Variants in CFAP299 observed in about 807,000 individuals in gnomAD.
CFAP299 encodes cilia- and flagella-associated protein 299.
CFAP299 carries 21 observed loss-of-function variants against 27.0 expected under a neutral mutation model. The ratio of observed to expected loss-of-function variants is 0.78; its 90% confidence interval spans 0.55 to 1.12. CFAP299 has a LOEUF of 1.12. Ranked by LOEUF, CFAP299 falls within the 50% of genes most tolerant of loss-of-function variation. The pLI, the probability that CFAP299 is intolerant of heterozygous loss-of-function variation, is 0.00. For missense variants in CFAP299, 310 were observed against 276.6 expected (o/e 1.12, Z -0.86); for synonymous variants, 104 against 98.1 (o/e 1.06, Z -0.36).
chr4:80,397,814 A>G (rs891228861), intron 2 of CFAP299, among the ~76,000 whole-genome samples: 23 of 152,204 alleles, frequency 1.5e-4, no homozygotes, highest in Admixed American at 4.6e-4. Flanking sequence ...CGTATTCAAC[A>G]TAGTGTTGGA....
intron 3 of CFAP299, among the ~76,000 whole-genome samples, chr4:80,825,745 G>A (rs147080459): frequency 5.1e-4 from 78 of 151,978 alleles, no homozygotes; most frequent in African/African-American, 1.8e-3. Context: ...AAATTATTAA[G>A]GGAGTCCTGG....
intron 2 of CFAP299, among the ~76,000 whole-genome samples, chr4:80,402,527 C>A (rs1334650175): frequency 3.3e-5 from 5 of 152,174 alleles, no homozygotes; most frequent in Non-Finnish European, 7.3e-5. Context: ...CACCATGATT[C>A]TGAGGCCTTC....
At chr4:80,547,079 C>A (rs1444053407) in intron 2 of CFAP299, among the ~76,000 whole-genome samples, 1 of 152,044 alleles carries the variant, frequency 6.6e-6, no homozygotes, top group Non-Finnish European at 1.5e-5. Flanking sequence ...CAAAGCAATT[C>A]TAAGCAAAAA....
intron 3 of CFAP299, among the ~76,000 whole-genome samples, chr4:80,657,847 C>T (rs1468465461): frequency 6.6e-6 from 1 of 152,108 alleles, no homozygotes; most frequent in Non-Finnish European, 1.5e-5. Context: ...GATATTGATT[C>T]TTCCTATCCA....
chr4:80,827,171 A>G (rs970627917), intron 3 of CFAP299, among the ~76,000 whole-genome samples: 2 of 151,844 alleles, frequency 1.3e-5, no homozygotes, highest in Non-Finnish European at 3.0e-5. Flanking sequence ...AAACTTAAAA[A>G]TATATATTTA....
rs182855786 is a variant in CFAP299 at position 80,533,852 on chromosome 4, A to T, written c.243-49241A>T. On this transcript the variant is annotated intron_variant, in intron 2 of 5. Coordinates refer to ENST00000358105, the MANE Select transcript of CFAP299 (RefSeq NM_152770.3). Reference sequence around the variant, plus strand: ...TACATAGTAAGCTGTCCTTTAAAGTAGTGTTGTAAAAAAAACTGTTTCATG... The same window carrying T: ...TACATAGTAAGCTGTCCTTTAAAGTTGTGTTGTAAAAAAAACTGTTTCATG... 1.4e-3 allele frequency among the ~76,000 whole-genome samples: 216 copies of T among 151,872 alleles called. 2 individuals carry two copies. The highest frequency in any genetic ancestry group is 2.4e-3 in the Non-Finnish European group (163 of 67,952).
chr4:80,542,878 A>T (rs890486440), intron 2 of CFAP299, among the ~76,000 whole-genome samples: 1 of 151,860 alleles, frequency 6.6e-6, no homozygotes, highest in Non-Finnish European at 1.5e-5. Context: ...ATGCCCCACC[A>T]GAGTGCTTCT....
At chr4:80,638,976 T>C (rs1441423068) in intron 3 of CFAP299, among the ~76,000 whole-genome samples, 1 of 152,202 alleles carries the variant, frequency 6.6e-6, no homozygotes, top group Admixed American at 6.6e-5. Flanking sequence ...ACCTTCTTCC[T>C]GTGCCCTAAT....
intron 3 of CFAP299, among the ~76,000 whole-genome samples, chr4:80,804,809 G>T (rs966769921): frequency 6.6e-6 from 1 of 152,050 alleles, no homozygotes; most frequent in Non-Finnish European, 1.5e-5. Flanking sequence ...TACATAATGA[G>T]TTTTTATCTG....
intron 3 of CFAP299, among the ~76,000 whole-genome samples, chr4:80,601,555 T>C (rs1335656508): frequency 6.6e-6 from 1 of 152,210 alleles, no homozygotes; most frequent in African/African-American, 2.4e-5. Context: ...TATACTGGAA[T>C]GATGGCTTAG....
At chr4:80,782,099 T>G (rs1323185055) in intron 3 of CFAP299, among the ~76,000 whole-genome samples, 1 of 152,144 alleles carries the variant, frequency 6.6e-6, no homozygotes, top group Non-Finnish European at 1.5e-5. Context: ...AGAAGAAGTA[T>G]GTGATTTTAT....
chr4:80,522,010 T>A (rs542205860), intron 2 of CFAP299, among the ~76,000 whole-genome samples: 1 of 152,024 alleles, frequency 6.6e-6, no homozygotes, highest in Admixed American at 6.6e-5. Context: ...CATATGATAG[T>A]TCTTTTTTAA....
chr4:80,368,360 G>T (rs1723949305), intron 2 of CFAP299, among the ~76,000 whole-genome samples: 1 of 152,104 alleles, frequency 6.6e-6, no homozygotes, highest in South Asian at 2.1e-4. Context: ...AGTATATCTG[G>T]AATAAAATGT....
At chr4:80,733,542 C>T (rs1239377960) in intron 3 of CFAP299, among the ~76,000 whole-genome samples, 1 of 152,016 alleles carries the variant, frequency 6.6e-6, no homozygotes, top group Non-Finnish European at 1.5e-5. Flanking sequence ...CTATCAAATA[C>T]TAGGTCTTAC....
intron 3 of CFAP299, among the ~76,000 whole-genome samples, chr4:80,840,586 TTTAAGA>T (rs1237680268): frequency 2.0e-5 from 3 of 152,260 alleles, no homozygotes; most frequent in South Asian, 2.1e-4. Context: ...TTTCAGAGAC[TTTAAGA>T]TTAAGGGCAG....
intron 3 of CFAP299, among the ~76,000 whole-genome samples, chr4:80,760,539 G>A (rs182814210): frequency 1.2e-4 from 19 of 152,296 alleles, no homozygotes; most frequent in Admixed American, 9.8e-4. Flanking sequence ...CATAGTTTCA[G>A]CTTGGCTAAG....
chr4:80,799,249 G>T, intron 3 of CFAP299, among the ~76,000 whole-genome samples: 6 of 94,126 alleles, frequency 6.4e-5, no homozygotes, highest in Admixed American at 1.6e-4. Context: ...TATATATATT[G>T]TATAAATATA....
chr4:80,729,644 G>C (rs1312076957), intron 3 of CFAP299, among the ~76,000 whole-genome samples: 1 of 141,684 alleles, frequency 7.1e-6, no homozygotes, highest in African/African-American at 2.7e-5. Context: ...CTGTCTCCCA[G>C]GCTGGAGTGC....
chr4:80,665,486 C>A (rs1741102168), intron 3 of CFAP299, among the ~76,000 whole-genome samples: 3 of 152,018 alleles, frequency 2.0e-5, no homozygotes, highest in Non-Finnish European at 4.4e-5. Context: ...TCCAGCTGTA[C>A]ATTTGTTGTA....
Sources: allele counts gnomAD v4.1 joint callset (sites outside exome capture counted in the v4.1 genomes callset), GRCh38; gene constraint gnomAD v4.1.1; transcripts MANE v1.5; gene names NCBI Gene and HGNC (gene_info 2026-07-23, HGNC 2026-07-21).